Variants in OPCML observed in about 807,000 individuals in gnomAD.
OPCML encodes the protein opioid binding protein/cell adhesion molecule like, also known as opioid-binding protein/cell adhesion molecule.
In OPCML, 13 loss-of-function variants were observed where a neutral mutation model predicts 37.8. The observed-to-expected ratio is 0.34, with a 90% CI of 0.22 to 0.55. OPCML has a LOEUF of 0.55. OPCML is among the 20% of genes least tolerant of loss of function. The probability of loss-of-function intolerance (pLI) is 0.91; values close to 1 mark genes in which losing one functional copy is unlikely to be tolerated. For synonymous variants in OPCML, 176 were observed against 168.8 expected (o/e 1.04, Z -0.33); for missense variants, 341 against 435.6 (o/e 0.78, Z 1.93).
At chr11:132,765,736 A>C (rs978942353) in intron 2 of OPCML, among the ~76,000 whole-genome samples, 8 of 152,190 alleles carry the variant, frequency 5.3e-5, no homozygotes, top group African/African-American at 1.7e-4. Flanking sequence ...GATTTGGAAA[A>C]ATATCTTGTG....
chr11:132,843,882 G>T (rs995309952), intron 2 of OPCML, among the ~76,000 whole-genome samples: 2 of 152,178 alleles, frequency 1.3e-5, no homozygotes, highest in Non-Finnish European at 2.9e-5. Context: ...ATCTGTACCT[G>T]CACTGGGTTT....
At chr11:132,721,445 G>C (rs1396783729) in intron 2 of OPCML, among the ~76,000 whole-genome samples, 1 of 152,196 alleles carries the variant, frequency 6.6e-6, no homozygotes, top group Admixed American at 6.5e-5. Flanking sequence ...CTAGGGACCA[G>C]CAAGGCATGT....
chr11:133,336,234 G>T (rs2136659733), intron 1 of OPCML, among the ~76,000 whole-genome samples: 1 of 152,270 alleles, frequency 6.6e-6, no homozygotes, highest in Non-Finnish European at 1.5e-5. Flanking sequence ...GAGCAGCGTT[G>T]GTCTTGGGAT....
At chr11:132,687,859 G>T (rs769516287) in intron 2 of OPCML, among the ~76,000 whole-genome samples, 1 of 152,092 alleles carries the variant, frequency 6.6e-6, no homozygotes, top group African/African-American at 2.4e-5. Context: ...TAGAGGGGTA[G>T]ACTTTTTTAG....
chr11:132,651,035 C>T (rs1384447809), intron 3 of OPCML, among the ~76,000 whole-genome samples: 1 of 152,168 alleles, frequency 6.6e-6, no homozygotes, highest in Admixed American at 6.5e-5. Context: ...ATGGCTCTGC[C>T]TCCCTGGGCC....
rs576081124 is a variant in OPCML, at chr11:133,262,500, A to AGATCCATTC, written c.61+269755_61+269763dup. Among the ~76,000 whole-genome samples the AGATCCATTC allele has an allele frequency of 5.9e-5, 9 of 152,336 alleles. No homozygotes were observed. In the South Asian group the frequency reaches 1.4e-3, roughly 25 times the overall value. On this transcript the variant is annotated intron_variant, in intron 1 of 7. Coordinates refer to ENST00000524381, the MANE Select transcript of OPCML (RefSeq NM_001012393.5). ...GCCATGGGATGGGAAATCAGATGTTAGATCCATTCTGCAGAGGAAAGTACT... is the reference window on the plus strand; with the variant it reads ...GCCATGGGATGGGAAATCAGATGTTAGATCCATTCGATCCATTCTGCAGAGGAAAGTACT...
intron 1 of OPCML, among the ~76,000 whole-genome samples, chr11:133,405,460 T>C (rs902987025): frequency 6.6e-6 from 1 of 152,200 alleles, no homozygotes; most frequent in Non-Finnish European, 1.5e-5. Flanking sequence ...TATGTTTAAT[T>C]TCTGTTGCCA....
intron 1 of OPCML, among the ~76,000 whole-genome samples, chr11:133,440,762 T>TTTATATATATATATATATATATA (rs1946347371): frequency 7.9e-6 from 1 of 126,956 alleles, no homozygotes; most frequent in African/African-American, 3.5e-5. Context: ...CCTACAGCAA[T>TTTATATATATATATATATATATA]TATATATATA....
chr11:133,276,084 A>C (rs1941986171), intron 1 of OPCML, among the ~76,000 whole-genome samples: 1 of 152,236 alleles, frequency 6.6e-6, no homozygotes, highest in Admixed American at 6.5e-5. Flanking sequence ...ATGACTTCCC[A>C]GAAATCAGCA....
intron 1 of OPCML, among the ~76,000 whole-genome samples, chr11:133,519,612 T>A (rs1174194258): frequency 9.2e-5 from 14 of 152,290 alleles, no homozygotes; most frequent in Non-Finnish European, 1.2e-4. Context: ...TTCTCCCATC[T>A]CCCCTATCTT....
At chr11:132,949,027 A>G (rs1169752888) in intron 1 of OPCML, among the ~76,000 whole-genome samples, 3 of 152,210 alleles carry the variant, frequency 2.0e-5, no homozygotes, top group African/African-American at 7.2e-5. Context: ...AATCCTTGCC[A>G]GAGGGAACTT....
At chr11:132,799,239 G>A (rs969958294) in intron 2 of OPCML, among the ~76,000 whole-genome samples, 10 of 152,244 alleles carry the variant, frequency 6.6e-5, no homozygotes, top group South Asian at 2.1e-4. Flanking sequence ...GAGTGCAGCC[G>A]CCTTTACCAG....
At chr11:132,537,897 C>A (rs369490025) in intron 3 of OPCML, among the ~76,000 whole-genome samples, 148 of 152,150 alleles carry the variant, frequency 9.7e-4, no homozygotes, top group African/African-American at 3.5e-3. Flanking sequence ...TGACTTTAAT[C>A]AAAAAGAGAG....
chr11:133,359,478 T>A (rs542089402), intron 1 of OPCML, among the ~76,000 whole-genome samples: 1 of 152,342 alleles, frequency 6.6e-6, no homozygotes. Context: ...GCATCTACTA[T>A]GTGTCAGGTA....
chr11:132,804,167 A>G (rs181294877), intron 2 of OPCML, among the ~76,000 whole-genome samples: 2 of 152,166 alleles, frequency 1.3e-5, no homozygotes, highest in Non-Finnish European at 2.9e-5. Flanking sequence ...ACCTGGAGAC[A>G]GTTTCCCAAC....
chr11:132,689,212 G>A (rs1018384538), intron 2 of OPCML, among the ~76,000 whole-genome samples: 3 of 152,146 alleles, frequency 2.0e-5, no homozygotes, highest in African/African-American at 7.2e-5. Flanking sequence ...CATCTAAATT[G>A]TGAAGGGCAA....
intron 2 of OPCML, among the ~76,000 whole-genome samples, chr11:132,780,696 C>T (rs1946977283): frequency 6.6e-6 from 1 of 152,216 alleles, no homozygotes; most frequent in East Asian, 1.9e-4. Flanking sequence ...AAAAGGGTGG[C>T]CGTGAGTGTG....
intron 2 of OPCML, among the ~76,000 whole-genome samples, chr11:132,709,959 C>T: frequency 6.6e-6 from 1 of 152,196 alleles, no homozygotes; most frequent in East Asian, 1.9e-4. Context: ...TACATAGATA[C>T]ATTTAATATT....
intron 4 of OPCML, among the ~76,000 whole-genome samples, chr11:132,448,415 G>A (rs1029071174): frequency 2.0e-5 from 3 of 152,160 alleles, no homozygotes; most frequent in Admixed American, 6.5e-5. Flanking sequence ...TGCACACTTC[G>A]CAGAGCATAA....
Sources: gnomAD v4.1 joint callset for allele counts (sites outside exome capture counted in the v4.1 genomes callset) on GRCh38, gnomAD v4.1.1 for gene constraint, MANE v1.5 for transcripts, NCBI Gene and HGNC (gene_info 2026-07-23, HGNC 2026-07-21) for gene names.